Variants in DYSF observed in about 807,000 individuals in gnomAD.
DYSF encodes dystrophy-associated fer-1-like 1.
In DYSF, 212 loss-of-function variants were observed where a neutral mutation model predicts 274.9. The ratio of observed to expected loss-of-function variants is 0.77; its 90% confidence interval spans 0.69 to 0.86. DYSF has a LOEUF of 0.86. Among genes scored for constraint, DYSF ranks in the 40% least tolerant of loss-of-function variants. The probability of loss-of-function intolerance (pLI) is 0.00; values close to 1 mark genes in which losing one functional copy is unlikely to be tolerated. For missense variants in DYSF, 2,666 were observed against 2,783.2 expected, an observed-to-expected ratio of 0.96 and a Z score of 0.95; for synonymous variants, 1,091 against 1,078.7, an observed-to-expected ratio of 1.01 and a Z score of -0.22.
chr2:71,562,862 C>A (rs999482260), intron 23 of DYSF, among the ~76,000 whole-genome samples: 3 of 152,176 alleles, frequency 2.0e-5, no homozygotes, highest in Non-Finnish European at 4.4e-5. Context: ...GCAGACCAAC[C>A]CCTCAGGCTG....
At chr2:71,495,313 T>C (rs1283430107) in intron 3 of DYSF, among the ~76,000 whole-genome samples, 1 of 152,190 alleles carries the variant, frequency 6.6e-6, no homozygotes, top group Non-Finnish European at 1.5e-5. Context: ...GTTTATGTCA[T>C]GTGTGCCCAG....
intron 41 of DYSF, among the ~76,000 whole-genome samples, chr2:71,622,267 C>T (rs12474981): frequency 0.01 from 1,537 of 151,424 alleles, 71 homozygotes; most frequent in Admixed American, 0.078. Context: ...GTCGAACTAT[C>T]GCTAGAATAT....
intron 40 of DYSF, among the ~76,000 whole-genome samples, chr2:71,619,051 A>T (rs1181920920): frequency 6.6e-6 from 1 of 152,010 alleles, no homozygotes; most frequent in Non-Finnish European, 1.5e-5. Flanking sequence ...GGGAACGTGT[A>T]ATTTCTGAAG....
At chr2:71,481,843 C>T (rs1379576525) in intron 2 of DYSF, 36 bp from the exon 3 acceptor site, 2 of 1,560,552 alleles carry the variant, frequency 1.3e-6, no homozygotes, top group East Asian at 2.2e-5. Flanking sequence ...TCCTAGAGGG[C>T]CATAGGTTAA....
Position 71,570,603 on chromosome 2 carries a change from G to A in DYSF, c.3090G>A (p.Trp1030Ter). ...GACCGGTTCCCCCTCCCCCAGGCTG[G>A]GAGTATAGCATCACCATCCCCCCGG... ...DLNRAVDEQG[W>*]EYSITIPPER... The change falls in exon 29 of 56, where the codon TGG becomes TGA. Residue 1030 changes from tryptophan to a stop codon, truncating the protein, a stop_gained. Transcript: ENST00000410020. LOFTEE classifies it high-confidence loss of function. 7.4e-6 allele frequency: 12 copies of A among 1,613,778 alleles called. No individual in the cohort carries two copies. Among genetic ancestry groups the A allele is most frequent in the Non-Finnish European group, 9.3e-6 (11 of 1,179,898 alleles).
chr2:71,562,023 T>C (rs1176063479), intron 23 of DYSF, 79 bp downstream of exon 23: 1 of 1,545,822 alleles, frequency 6.5e-7, no homozygotes, highest in Non-Finnish European at 8.8e-7. Context: ...ACAAGGCGAA[T>C]GTCTGGATTA....
chr2:71,501,014 G>A (rs915300679), intron 3 of DYSF, among the ~76,000 whole-genome samples: 2 of 152,116 alleles, frequency 1.3e-5, no homozygotes, highest in Non-Finnish European at 1.5e-5. Flanking sequence ...TCTGGGTCCT[G>A]AGGACAATTC....
At chr2:71,625,161 AT>A (rs1046462840) in intron 41 of DYSF, among the ~76,000 whole-genome samples, 1 of 152,112 alleles carries the variant, frequency 6.6e-6, no homozygotes, top group Non-Finnish European at 1.5e-5. Context: ...CATTCAAGTC[AT>A]TTTTAAGCTC....
intron 9 of DYSF, 78 bp from the exon 10 acceptor site, chr2:71,516,911 G>A: frequency 7.7e-7 from 1 of 1,295,808 alleles, no homozygotes; most frequent in Non-Finnish European, 1.1e-6. Context: ...TTATTGTTTG[G>A]GAGGGAAGAG....
chr2:71,681,157 T>C (rs375913633), intron 54 of DYSF, 47 bp downstream of exon 54: 1 of 1,559,434 alleles, frequency 6.4e-7, no homozygotes, highest in African/African-American at 1.4e-5. Context: ...TCTGGGGGTA[T>C]AGGCCACAGT....
At chr2:71,561,216 C>G (rs903870868) in intron 22 of DYSF, among the ~76,000 whole-genome samples, 1 of 152,166 alleles carries the variant, frequency 6.6e-6, no homozygotes, top group South Asian at 2.1e-4. Flanking sequence ...GGCTCCCCAC[C>G]CCACCTCAGG....
chr2:71,481,014 G>A, intron 2 of DYSF, 76 bp downstream of exon 2: 1 of 1,433,858 alleles, frequency 7.0e-7, no homozygotes. Flanking sequence ...GGGGGCTTGT[G>A]GAGGAGGTGC....
At chr2:71,624,915 G>A (rs893416408) in intron 41 of DYSF, among the ~76,000 whole-genome samples, 1 of 152,156 alleles carries the variant, frequency 6.6e-6, no homozygotes, top group Non-Finnish European at 1.5e-5. Context: ...TTTGGTAGCT[G>A]AGATGTCATC....
At chr2:71,601,675 G>A (rs1029644473) in intron 35 of DYSF, 147 bp downstream of exon 35, 82 of 1,055,786 alleles carry the variant, frequency 7.8e-5, no homozygotes, top group Non-Finnish European at 9.7e-5. Flanking sequence ...AGGAGGGCCC[G>A]GGCTGGAGGG....
At chr2:71,578,595 G>T (rs1020773389) in intron 30 of DYSF, among the ~76,000 whole-genome samples, 1 of 152,204 alleles carries the variant, frequency 6.6e-6, no homozygotes. Context: ...CTAATGAGGG[G>T]AGGCTTCTTG....
At position 71,481,964 on chromosome 2, in the gene DYSF, G is replaced by A. The variant is rs765954712; in HGVS notation, c.233G>A (p.Arg78Lys). 6.2e-7 allele frequency: 1 copy of A among 1,614,042 alleles called. No homozygotes were observed. Among genetic ancestry groups the A allele is most frequent in the South Asian group, 1.1e-5 (1 of 91,038 alleles). The change falls in exon 3 of 56, where the codon AGG (arginine) becomes AAG (lysine). Residue 78 changes from arginine to lysine, a missense_variant. Arg to Lys is a conservative substitution (Grantham distance 26). Transcript: ENST00000410020. ...GTCAAAGACCATGAGACGATGGGGA[G>A]GAACAGGTAAGGTGGCCAGAGGGGG... ...VVVKDHETMG[R>K]NRFLGEAKVP...
chr2:71,601,074 T>G (rs1230518014), intron 34 of DYSF, among the ~76,000 whole-genome samples: 3 of 152,172 alleles, frequency 2.0e-5, no homozygotes, highest in Non-Finnish European at 4.4e-5. Context: ...CTGACGTGGT[T>G]TCTGGGAGGA....
chr2:71,661,108 C>A (rs2094871755), intron 45 of DYSF, among the ~76,000 whole-genome samples: 1 of 113,094 alleles, frequency 8.8e-6, no homozygotes, highest in Admixed American at 1.0e-4. Context: ...CAGAGCAAAA[C>A]CCTGTCTCAA....
intron 36 of DYSF, among the ~76,000 whole-genome samples, chr2:71,608,753 G>A (rs185424647): frequency 6.6e-6 from 1 of 152,318 alleles, no homozygotes; most frequent in East Asian, 1.9e-4. Context: ...CCGAGGGACA[G>A]ACCGAGGAAA....
Sources: allele counts gnomAD v4.1 joint callset (sites outside exome capture counted in the v4.1 genomes callset), GRCh38; gene constraint gnomAD v4.1.1; transcripts MANE v1.5; gene names NCBI Gene and HGNC (gene_info 2026-07-23, HGNC 2026-07-21).